Variants in WNT2B observed in about 807,000 individuals in gnomAD.
WNT2B encodes protein Wnt-2b.
In WNT2B, 19 loss-of-function variants were observed where a neutral mutation model predicts 40.5. That is an observed-to-expected ratio of 0.47 (90% confidence interval 0.33 to 0.69). The LOEUF is 0.69. Among genes scored for constraint, WNT2B ranks in the 30% least tolerant of loss-of-function variants. The pLI is 0.02. For missense variants in WNT2B, 467 were observed against 556.4 expected (o/e 0.84, Z 1.62); for synonymous variants, 220 against 211.9 (o/e 1.04, Z -0.33).
At chr1:112,479,985 T>A (rs1251845426) in intron 1 of WNT2B, among the ~76,000 whole-genome samples, 1 of 151,998 alleles carries the variant, frequency 6.6e-6, no homozygotes, top group Non-Finnish European at 1.5e-5. Context: ...GTGCTGGGAT[T>A]ACAGACGTGA....
chr1:112,523,143 C>T lies in WNT2B; in HGVS notation c.*2634C>T, dbSNP rs1280249829. On this transcript the variant is annotated 3_prime_UTR_variant, in exon 5 of 5. Transcript: ENST00000369684. ...CATAGGACGTCAACCTGACTTAAATCTACCTATACCCTACTCTCTATTCTT... is the reference window on the plus strand; with the variant it reads ...CATAGGACGTCAACCTGACTTAAATTTACCTATACCCTACTCTCTATTCTT... The T allele has an allele frequency of 6.6e-6, 1 of 152,238 alleles. No homozygotes were observed. The highest frequency in any genetic ancestry group is 1.5e-5 in the Non-Finnish European group (1 of 68,054). The allele number at this position is 152,238 out of a possible 1,614,324, so 9.4% of individuals were successfully genotyped here.
At chr1:112,494,401 C>T (rs1028968460) in intron 1 of WNT2B, among the ~76,000 whole-genome samples, 1 of 151,242 alleles carries the variant, frequency 6.6e-6, no homozygotes, top group Admixed American at 6.6e-5. Context: ...CACGGTCTTG[C>T]TCTATCACCC....
rs1313892595 is a variant in WNT2B, at chr1:112,525,676, G to A, written c.*5167G>A. ...TATGAGTATATCGATGGAGCAGCTG[G>A]ACATTAGAGTTCTTTCTCTTTGACC... On this transcript the variant is annotated 3_prime_UTR_variant, in exon 5 of 5. Coordinates refer to ENST00000369684, the MANE Select transcript of WNT2B (RefSeq NM_024494.3). The A allele has an allele frequency of 4.4e-5, 9 of 203,428 alleles. No individual in the cohort carries two copies. The highest frequency in any genetic ancestry group is 1.0e-5 in the Non-Finnish European group (1 of 99,496). 12.6% of individuals were successfully genotyped at this position (203,428 alleles called of 1,614,324 possible). A position where few individuals can be genotyped will look rare whatever the true frequency, so the allele number is the denominator to read the frequency against.
chr1:112,500,550 G>A (rs1184464277), intron 1 of WNT2B, among the ~76,000 whole-genome samples: 1 of 152,156 alleles, frequency 6.6e-6, no homozygotes, highest in Admixed American at 6.5e-5. Context: ...CAGGAGGATT[G>A]CTTTAGCCCA....
intron 1 of WNT2B, among the ~76,000 whole-genome samples, chr1:112,500,130 T>C (rs1651903536): frequency 6.6e-6 from 1 of 152,220 alleles, no homozygotes; most frequent in South Asian, 2.1e-4. Context: ...ATAAGATTGC[T>C]AAGGTAGTGA....
intron 1 of WNT2B, chr1:112,467,712 T>C: frequency 1.6e-6 from 1 of 637,656 alleles, no homozygotes; most frequent in Non-Finnish European, 2.9e-6. Flanking sequence ...GTATGTATAA[T>C]GGTCAAGCTT....
chr1:112,491,281 G>A (rs1050812710), intron 1 of WNT2B, among the ~76,000 whole-genome samples: 4 of 152,082 alleles, frequency 2.6e-5, no homozygotes, highest in South Asian at 2.1e-4. Context: ...GGTGGTGGGC[G>A]CCTGTAATCC....
chr1:112,519,079 C>T (rs890237693), intron 4 of WNT2B, among the ~76,000 whole-genome samples: 1 of 152,064 alleles, frequency 6.6e-6, no homozygotes, highest in Admixed American at 6.5e-5. Context: ...TTTTTGGTGC[C>T]CAAGAGGACT....
chr1:112,508,458 C>G (rs1652199106), upstream of WNT2B, among the ~76,000 whole-genome samples: 1 of 151,862 alleles, frequency 6.6e-6, no homozygotes, highest in South Asian at 2.1e-4. This position sits in a 1 kb window ranked among gnomAD's most constrained non-coding sequence, Gnocchi z 4.2. Flanking sequence ...TGCTAGAAGC[C>G]GACTGCCCAC....
chr1:112,526,417 C>A lies in WNT2B; in HGVS notation c.*5908C>A. 1 of 232,186 alleles carries A rather than the reference C, an allele frequency of 4.3e-6. No individual in the cohort carries two copies. The allele number at this position is 232,186 out of a possible 1,614,324, so 14.4% of individuals were successfully genotyped here. On this transcript the variant is annotated 3_prime_UTR_variant, in exon 5 of 5. Coordinates refer to ENST00000369684, the MANE Select transcript of WNT2B (RefSeq NM_024494.3). Reference sequence around the variant, plus strand: ...AATGTATAGACACAGTAGAAGTAGTCATGACAGAAAATTATTAAGGCTTTG... The same window carrying A: ...AATGTATAGACACAGTAGAAGTAGTAATGACAGAAAATTATTAAGGCTTTG...
In WNT2B at chr1:112,525,289, C is replaced by T. The variant is rs1358351973; in HGVS notation, c.*4780C>T. 4.6e-5 allele frequency: 7 copies of T among 152,140 alleles called. No individual in the cohort carries two copies. The highest frequency in any genetic ancestry group is 3.3e-4 in the Admixed American group (5 of 15,272). 9.4% of individuals were successfully genotyped at this position (152,140 alleles called of 1,614,324 possible). On this transcript the variant is annotated 3_prime_UTR_variant, in exon 5 of 5. Transcript: ENST00000369684. Reference sequence around the variant, plus strand: ...CATAAGAGAGAAGCACTGGAAAAGACCAAGTGGTGGCTTTATTAGGGTAAA... The same window carrying T: ...CATAAGAGAGAAGCACTGGAAAAGATCAAGTGGTGGCTTTATTAGGGTAAA...
chr1:112,507,519 G>A (rs1341761924), upstream of WNT2B, among the ~76,000 whole-genome samples: 1 of 152,322 alleles, frequency 6.6e-6, no homozygotes, highest in South Asian at 2.1e-4. Context: ...TTGGGGCTGC[G>A]GAGTGAGGGG....
chr1:112,518,610 T>C (rs773277830), intron 4 of WNT2B, among the ~76,000 whole-genome samples: 6 of 152,188 alleles, frequency 3.9e-5, no homozygotes, highest in Non-Finnish European at 7.3e-5. Context: ...AGAGGGTCAC[T>C]CTCTGGATAC....
rs900302336 is a variant in WNT2B, at chr1:112,474,249, G to C, written c.-95+6658G>C. Among the ~76,000 whole-genome samples the C allele has an allele frequency of 2.6e-5, 4 of 151,902 alleles. No homozygotes were observed. The South Asian group carries it at 6.2e-4, about 24-fold the overall frequency. ...CAACCTCCGCCTCCCGGGTTCAAGC[G>C]ATTCTCCTGCCTCAGCCTCCCAAGT... On this transcript the variant is annotated intron_variant, in intron 1 of 4. Coordinates refer to the WNT2B transcript ENST00000256640.
intron 1 of WNT2B, among the ~76,000 whole-genome samples, chr1:112,484,919 G>T (rs567657460): frequency 4.6e-5 from 7 of 152,212 alleles, no homozygotes; most frequent in African/African-American, 1.4e-4. Context: ...CTAAATAAAT[G>T]GAGAGATATA....
At position 112,509,228 on chromosome 1, in the gene WNT2B, C is replaced by G. The variant is rs1341302940; in HGVS notation, c.-35C>G. On this transcript the variant is annotated 5_prime_UTR_variant, in exon 1 of 5. Coordinates refer to ENST00000369684, the MANE Select transcript of WNT2B (RefSeq NM_024494.3). The surrounding 1 kb of genome is among the most constrained non-coding windows in gnomAD (Gnocchi z 4.2). ...CCCCAGAAGGTGCCCCGTCCACGCC[C>G]CTCCGGGCTGCGCGGCGGGAGTCTT... 1 of 1,490,168 alleles carries G rather than the reference C, an allele frequency of 6.7e-7. No individual in the cohort carries two copies. Among genetic ancestry groups the G allele is most frequent in the Non-Finnish European group, 8.9e-7 (1 of 1,128,380 alleles). 92.3% of individuals were successfully genotyped at this position (1,490,168 alleles called of 1,614,324 possible).
At chr1:112,477,171 G>A (rs1207260321) in intron 1 of WNT2B, among the ~76,000 whole-genome samples, 1 of 152,170 alleles carries the variant, frequency 6.6e-6, no homozygotes, top group South Asian at 2.1e-4. Context: ...TTTATATTTA[G>A]AGTACCCAAG....
intron 1 of WNT2B, among the ~76,000 whole-genome samples, chr1:112,484,272 C>CATAT (rs60819225): frequency 0.38 from 47,099 of 122,696 alleles, 10,306 homozygotes; most frequent in South Asian, 0.57. Context: ...TATATATACA[C>CATAT]ATATATATAT....
intron 1 of WNT2B, among the ~76,000 whole-genome samples, chr1:112,514,024 A>C (rs1313104311): frequency 2.6e-5 from 4 of 152,238 alleles, no homozygotes; most frequent in Non-Finnish European, 5.9e-5. Flanking sequence ...CTTGAGAAAC[A>C]ATAATGACTC....
Sources: allele counts gnomAD v4.1 joint callset (sites outside exome capture counted in the v4.1 genomes callset), GRCh38; gene constraint gnomAD v4.1.1; non-coding constraint Gnocchi (gnomAD v3.1); transcripts MANE v1.5; gene names NCBI Gene and HGNC (gene_info 2026-07-23, HGNC 2026-07-21).